The following PSMD1 variants were observed in gnomAD, a reference collection of about 807,000 sequenced individuals.
The protein encoded by PSMD1 is 26S proteasome non-ATPase regulatory subunit 1.
A neutral mutation model predicts 119.0 loss-of-function variants in PSMD1; 18 were observed. The ratio of observed to expected loss-of-function variants is 0.15; its 90% CI spans 0.10 to 0.22. The LOEUF (loss-of-function observed/expected upper bound fraction) is 0.22. Ranked by LOEUF, PSMD1 falls within the 10% of genes least tolerant of loss-of-function variation. The pLI, the probability that PSMD1 is intolerant of heterozygous loss-of-function variation, is 1.00. For synonymous variants in PSMD1, 374 were observed against 396.6 expected (o/e 0.94, Z 0.68); for missense variants, 702 against 1,158.5 (o/e 0.61, Z 5.72).
chr2:231,069,160 A>G (rs1321300876), intron 5 of PSMD1, among the ~76,000 whole-genome samples: 3 of 152,066 alleles, frequency 2.0e-5, no homozygotes, highest in Non-Finnish European at 2.9e-5. Context: ...ACAAATAAAT[A>G]TATAAAGTAA....
chr2:231,134,398 G>A (rs376372149), intron 16 of PSMD1, among the ~76,000 whole-genome samples: 161 of 152,110 alleles, frequency 1.1e-3, no homozygotes, highest in Non-Finnish European at 2.0e-3. Flanking sequence ...ACTAAGTCCC[G>A]AGCGAGCCTA....
Position 231,077,165 on chromosome 2 carries a change from A to G in PSMD1, c.1071+3A>G. On this transcript the variant is annotated splice_donor_region_variant and intron_variant, in intron 9 of 24. Transcript: ENST00000308696. ...TCATGATTCTAAAAAACACAAAGGT[A>G]AGAAATTCATCAATAATAGAGGATT... 1 of 1,497,772 alleles carries G rather than the reference A, an allele frequency of 6.7e-7. No individual in the cohort carries two copies. Among genetic ancestry groups the G allele is most frequent in the Non-Finnish European group, 9.0e-7 (1 of 1,112,696 alleles). 92.8% of individuals were successfully genotyped at this position (1,497,772 alleles called of 1,614,324 possible).
intron 16 of PSMD1, among the ~76,000 whole-genome samples, chr2:231,094,183 G>A (rs1306122548): frequency 3.9e-5 from 6 of 152,138 alleles, no homozygotes; most frequent in Admixed American, 3.9e-4. Context: ...AGGAGGGGAG[G>A]TGCCTGTGAG....
rs559433629 is a variant in PSMD1 at position 231,082,198 on chromosome 2, G to A, written c.1414-685G>A. Among the ~76,000 whole-genome samples, 4 of 152,232 alleles carry A rather than the reference G, an allele frequency of 2.6e-5. No individual in the cohort carries two copies. The South Asian group carries it at 8.3e-4, about 32-fold the overall frequency. ...CCACCTCAGCCTCCCGAGTAGCTGG[G>A]ATCACAGGCATGCACCACCACGCCC... On this transcript the variant is annotated intron_variant, in intron 12 of 24. Transcript: ENST00000308696.
At chr2:231,145,178 T>C (rs1015780418) in intron 17 of PSMD1, among the ~76,000 whole-genome samples, 3 of 152,220 alleles carry the variant, frequency 2.0e-5, no homozygotes, top group Admixed American at 6.5e-5. Context: ...AGAACAGGGA[T>C]GCGTTCTGAG....
intron 16 of PSMD1, among the ~76,000 whole-genome samples, chr2:231,135,247 T>A (rs1388168546): frequency 6.6e-6 from 1 of 152,230 alleles, no homozygotes; most frequent in Non-Finnish European, 1.5e-5. Context: ...AATATCATTT[T>A]AAATTTTATT....
In PSMD1 at chr2:231,164,589, A is replaced by G. The variant is rs151006715; in HGVS notation, c.2482-611A>G. Among the ~76,000 whole-genome samples the G allele has an allele frequency of 3.8e-3, 583 of 152,252 alleles. 4 individuals are homozygous for G. In the East Asian group the frequency reaches 0.052, roughly 14 times the overall value. ...GTAGCAGTTAAGGAATAGCCTTGAC[A>G]GCATCTTGTTTCATCAGCTATGTTT... On this transcript the variant is annotated intron_variant, in intron 21 of 24. Transcript: ENST00000308696.
At chr2:231,165,034 T>TTATATATATATATATATATATATA (rs66656378) in intron 21 of PSMD1, 166 bp from the exon 22 acceptor site, 1 of 21,838 alleles carries the variant, frequency 4.6e-5, no homozygotes, top group Non-Finnish European at 7.6e-5. Flanking sequence ...TTATATATAT[T>TTATATATATATATATATATATATA]TATATATATA....
At chr2:231,142,597 A>G (rs1442794743) in intron 17 of PSMD1, among the ~76,000 whole-genome samples, 2 of 152,192 alleles carry the variant, frequency 1.3e-5, no homozygotes, top group Non-Finnish European at 2.9e-5. Context: ...TATGTGATCT[A>G]GGTATCAGTA....
At chr2:231,112,823 G>A (rs1023528045) in intron 16 of PSMD1, among the ~76,000 whole-genome samples, 2 of 145,302 alleles carry the variant, frequency 1.4e-5, no homozygotes, top group African/African-American at 5.7e-5. Context: ...CATAATTTCT[G>A]AACATCGGTA....
chr2:231,060,954 G>A (rs1376770005), intron 1 of PSMD1, among the ~76,000 whole-genome samples: 1 of 152,152 alleles, frequency 6.6e-6, no homozygotes, highest in Non-Finnish European at 1.5e-5. Flanking sequence ...TGATTCAGTA[G>A]GTCTGGAATG....
At chr2:231,062,714 C>G (rs915225476) in intron 4 of PSMD1, 39 bp downstream of exon 4, 17 of 1,464,636 alleles carry the variant, frequency 1.2e-5, no homozygotes, top group Non-Finnish European at 1.5e-5. Context: ...ATCTTGTCGG[C>G]TTCTTTCTTG....
chr2:231,140,708 A>G (rs1217088364), intron 17 of PSMD1, among the ~76,000 whole-genome samples: 1 of 140,310 alleles, frequency 7.1e-6, no homozygotes, highest in Admixed American at 7.0e-5. Flanking sequence ...CAAAACCCCA[A>G]CTCTACTAAA....
chr2:231,064,931 G>A (rs1163351107), intron 4 of PSMD1, among the ~76,000 whole-genome samples: 2 of 151,632 alleles, frequency 1.3e-5, no homozygotes, highest in East Asian at 1.9e-4. Flanking sequence ...CAAGATTTTG[G>A]GATTACAGAT....
intron 8 of PSMD1, among the ~76,000 whole-genome samples, chr2:231,076,504 TAA>T (rs1250189120): frequency 1.3e-5 from 2 of 152,188 alleles, no homozygotes; most frequent in Non-Finnish European, 2.9e-5. Context: ...CCGTCTCTAC[TAA>T]AAATACAAAA....
chr2:231,104,686 TA>T (rs1559231457), intron 16 of PSMD1, among the ~76,000 whole-genome samples: 1 of 152,260 alleles, frequency 6.6e-6, no homozygotes, highest in Non-Finnish European at 1.5e-5. Context: ...GTCATAAAGC[TA>T]AATACTGAGA....
chr2:231,155,657 G>A lies in PSMD1; in HGVS notation c.2218+1991G>A, dbSNP rs571830014. 2.6e-5 allele frequency among the ~76,000 whole-genome samples: 4 copies of A among 151,204 alleles called. No individual in the cohort carries two copies. In the South Asian group the frequency reaches 6.3e-4, roughly 24 times the overall value. ...TTATTATTTGCTGTTTTATAACTTT[G>A]GTGTTCTTTTCTAAATTTTTGAGGC... On this transcript the variant is annotated intron_variant, in intron 19 of 24. Coordinates refer to ENST00000308696, the MANE Select transcript of PSMD1 (RefSeq NM_002807.4).
intron 16 of PSMD1, among the ~76,000 whole-genome samples, chr2:231,117,358 A>G (rs1439269472): frequency 6.6e-6 from 1 of 152,096 alleles, no homozygotes; most frequent in Non-Finnish European, 1.5e-5. Context: ...AAAGAAAGAA[A>G]TGTGTATCTA....
chr2:231,091,345 C>T (rs1379674559), intron 16 of PSMD1, among the ~76,000 whole-genome samples: 1 of 152,210 alleles, frequency 6.6e-6, no homozygotes, highest in Non-Finnish European at 1.5e-5. Flanking sequence ...GAGAATTTAA[C>T]TGCCTTCAGC....
Sources: allele counts gnomAD v4.1 joint callset (sites outside exome capture counted in the v4.1 genomes callset), GRCh38; gene constraint gnomAD v4.1.1; transcripts MANE v1.5; gene names NCBI Gene and HGNC (gene_info 2026-07-23, HGNC 2026-07-21).